The following SMAD7 variants were observed in gnomAD, a reference collection of about 807,000 sequenced individuals.
The protein encoded by SMAD7 is SMAD family member 7.
SMAD7 carries 8 observed loss-of-function variants against 38.7 expected under a neutral mutation model. The observed-to-expected ratio is 0.21, with a 90% CI of 0.12 to 0.37. SMAD7 has a LOEUF of 0.37. Ranked by LOEUF, SMAD7 falls within the 10% of genes least tolerant of loss-of-function variation. The pLI is 1.00. For synonymous variants in SMAD7, 327 were observed against 265.1 expected (o/e 1.23, Z -2.27); for missense variants, 477 against 577.9 (o/e 0.83, Z 1.79).
Position 48,949,867 on chromosome 18 carries a change from G to T in SMAD7, c.558C>A (p.Ile186=), listed in dbSNP as rs368575800. The T allele has an allele frequency of 4.3e-6, 7 of 1,612,804 alleles. No homozygotes were observed. In the African/African-American group the frequency reaches 9.3e-5, roughly 22 times the overall value. ...GGTTGCAGCACACCAGCTCGGGGTT[G>T]ATCTTCCCGTAAGATTCACAGCAAC... ...RLCCCESYGK[I]NPELVCCNPH... is the part of the protein sequence containing the mutation. Residue 186 remains isoleucine (I), a synonymous_variant, in exon 1 of 4, where the codon ATC becomes ATA. Transcript: ENST00000262158.
rs773664418 is a variant in SMAD7 at position 48,948,348 on chromosome 18, A to T, written c.667+36T>A. 18 of 1,476,666 alleles carry T rather than the reference A, an allele frequency of 1.2e-5. No homozygotes were observed. In the African/African-American group the frequency reaches 2.1e-4, roughly 17 times the overall value. 91.5% of individuals were successfully genotyped at this position (1,476,666 alleles called of 1,614,324 possible). A position where few individuals can be genotyped will look rare whatever the true frequency, so the allele number is the denominator to read the frequency against. ...GTTCTAGAGGCTCTATTTCTAACTT[A>T]AGATAAGCAGGATATTTTAAAAATC... On this transcript the variant is annotated intron_variant, in intron 2 of 3. Coordinates refer to ENST00000262158, the MANE Select transcript of SMAD7 (RefSeq NM_005904.4).
At chr18:48,935,162 C>A (rs1386080026) in intron 3 of SMAD7, among the ~76,000 whole-genome samples, 1 of 152,112 alleles carries the variant, frequency 6.6e-6, no homozygotes, top group East Asian at 1.9e-4. Context: ...CAGAGAGAAA[C>A]AGAGAGGCTG....
chr18:48,921,534 C>T lies in SMAD7; in HGVS notation c.1119G>A (p.Lys373=). The change falls in exon 4 of 4, where the codon AAG becomes AAA. Residue 373 remains lysine (K), a synonymous_variant. Coordinates refer to ENST00000262158, the MANE Select transcript of SMAD7 (RefSeq NM_005904.4). This position sits in a 1 kb window ranked among gnomAD's most constrained non-coding sequence, Gnocchi z 6.4. The part of the protein sequence containing the change: ...GFSIKAFDYE[K]AYSLQRPNDH... ...CATTGGGCCGCTGCAGGCTGTACGC[C>T]TTCTCGTAGTCGAAAGCCTTGATGG... 1.2e-6 allele frequency: 2 copies of T among 1,614,250 alleles called. No homozygotes were observed. The highest frequency in any genetic ancestry group is 1.7e-6 in the Non-Finnish European group (2 of 1,180,048).
intron 3 of SMAD7, among the ~76,000 whole-genome samples, chr18:48,925,141 G>A (rs963419136): frequency 6.6e-6 from 1 of 152,214 alleles, no homozygotes; most frequent in African/African-American, 2.4e-5. Context: ...TTGGCCTCTC[G>A]CTGATAGTTA....
chr18:48,921,827 G>C lies in SMAD7; in HGVS notation c.826C>G (p.Leu276Val), dbSNP rs1568296864. The C allele has an allele frequency of 6.2e-7, 1 of 1,613,934 alleles. No homozygotes were observed. The highest frequency in any genetic ancestry group is 8.5e-7 in the Non-Finnish European group (1 of 1,179,926). ...YWEEKTRVGR[L>V]YCVQEPSLDI... ...AGAGAGGGCTCCTGGACACAGTAGA[G>C]CCTCCCCACTCTCGTCTTCTCCTCC... The change falls in exon 4 of 4, where the codon CTC (leucine) becomes GTC (valine). Residue 276 changes from leucine (L) to valine (V), a missense_variant. This residue lies in a region of SMAD7 where 376 missense variants were observed against 379.4 expected (regional missense o/e 0.99). Coordinates refer to ENST00000262158, the MANE Select transcript of SMAD7 (RefSeq NM_005904.4). This position sits in a 1 kb window ranked among gnomAD's most constrained non-coding sequence, Gnocchi z 6.4.
At chr18:48,929,845 T>C (rs1034855528) in intron 3 of SMAD7, among the ~76,000 whole-genome samples, 1 of 151,308 alleles carries the variant, frequency 6.6e-6, no homozygotes, top group African/African-American at 2.4e-5. Flanking sequence ...TCCCACCCTA[T>C]CCCCCACAGA....
At chr18:48,931,737 C>T (rs2070003148) in intron 3 of SMAD7, among the ~76,000 whole-genome samples, 1 of 152,236 alleles carries the variant, frequency 6.6e-6, no homozygotes, top group South Asian at 2.1e-4. Context: ...AAACTGAGGC[C>T]CAGAACACAG....
chr18:48,923,973 T>C (rs1200024455), intron 3 of SMAD7, among the ~76,000 whole-genome samples: 2 of 152,192 alleles, frequency 1.3e-5, no homozygotes, highest in Non-Finnish European at 2.9e-5. Flanking sequence ...CTTTGAACTT[T>C]CTTGCTGAGG....
chr18:48,923,202 T>G (rs1163536125), intron 3 of SMAD7, among the ~76,000 whole-genome samples: 1 of 152,226 alleles, frequency 6.6e-6, no homozygotes, highest in African/African-American at 2.4e-5. Flanking sequence ...CCTCGCTCCC[T>G]GCAGCCCCAG....
At chr18:48,932,494 A>C (rs188757582) in intron 3 of SMAD7, among the ~76,000 whole-genome samples, 11 of 152,318 alleles carry the variant, frequency 7.2e-5, no homozygotes, top group African/African-American at 2.4e-4. Context: ...AATTGAGACC[A>C]GATCTTCCCT....
In SMAD7 at chr18:48,950,163, C is replaced by A. The variant is rs908222302; in HGVS notation, c.262G>T (p.Ala88Ser). The change falls in exon 1 of 4, where the codon GCC becomes TCC. Residue 88 changes from alanine (A) to serine (S), a missense_variant. Ala to Ser is a moderately conservative substitution (Grantham distance 99, BLOSUM62 1). This residue lies in a region of SMAD7 where 376 missense variants were observed against 379.4 expected (regional missense o/e 0.99). Coordinates refer to ENST00000262158, the MANE Select transcript of SMAD7 (RefSeq NM_005904.4). ...PAAGAGAAGG[A>S]EADLKALTHS... ...GTGAGCGCCTTCAGATCCGCCTCGG[C>A]GCCCCCGGCCGCGCCGGCGCCCGCG... The A allele has an allele frequency of 1.3e-6, 2 of 1,486,772 alleles. No homozygotes were observed. Among genetic ancestry groups the A allele is most frequent in the Non-Finnish European group, 8.9e-7 (1 of 1,124,418 alleles). 92.1% of individuals were successfully genotyped at this position (1,486,772 alleles called of 1,614,324 possible).
At chr18:48,926,439 C>A (rs1290108929) in intron 3 of SMAD7, among the ~76,000 whole-genome samples, 1 of 152,254 alleles carries the variant, frequency 6.6e-6, no homozygotes. Context: ...CGGGTCTCCA[C>A]CGGCTCTCAT....
intron 1 of SMAD7, 110 bp from the exon 2 acceptor site, chr18:48,948,547 G>A: frequency 1.3e-6 from 1 of 744,876 alleles, no homozygotes; most frequent in Non-Finnish European, 2.2e-6. Context: ...TAGCTGTGGG[G>A]GTTGGAGGCA....
Position 48,949,808 on chromosome 18 carries a change from T to C in SMAD7, c.613+4A>G. 6.2e-7 allele frequency: 1 copy of C among 1,602,854 alleles called. No homozygotes were observed. The highest frequency in any genetic ancestry group is 2.3e-5 in the East Asian group (1 of 44,258). On this transcript the variant is annotated splice_donor_region_variant and intron_variant, in intron 1 of 3. Coordinates refer to ENST00000262158, the MANE Select transcript of SMAD7 (RefSeq NM_005904.4). ...ATGTTGGGGGTAGGGGGACAACTTCTCACCTAGTTCGCAGAGTCGGCTAAG... is the reference window on the plus strand; with the variant it reads ...ATGTTGGGGGTAGGGGGACAACTTCCCACCTAGTTCGCAGAGTCGGCTAAG...
At position 48,920,582 on chromosome 18, in the gene SMAD7, G is replaced by C. The variant is rs975349269; in HGVS notation, c.*790C>G. ...GGGCACTGGGTGAGCAATACTGTGA[G>C]GGGGCTGCCCCGGCAGCCCTTGGGA... is the stretch of plus-strand genomic sequence containing the variant. On this transcript the variant is annotated 3_prime_UTR_variant, in exon 4 of 4. Transcript: ENST00000262158. 4.6e-5 allele frequency: 7 copies of C among 152,420 alleles called. No homozygotes were observed. Among genetic ancestry groups the C allele is most frequent in the African/African-American group, 1.7e-4 (7 of 41,454 alleles). 9.4% of individuals were successfully genotyped at this position (152,420 alleles called of 1,614,324 possible). A position where few individuals can be genotyped will look rare whatever the true frequency, so the allele number is the denominator to read the frequency against.
At chr18:48,924,637 G>GA (rs1198609250) in intron 3 of SMAD7, among the ~76,000 whole-genome samples, 2 of 152,164 alleles carry the variant, frequency 1.3e-5, no homozygotes, top group African/African-American at 4.8e-5. Context: ...TGCTGTGTGT[G>GA]AACAAGGGCC....
chr18:48,935,788 A>C (rs1412232342), intron 3 of SMAD7, among the ~76,000 whole-genome samples: 2 of 152,192 alleles, frequency 1.3e-5, no homozygotes, highest in African/African-American at 4.8e-5. Flanking sequence ...CAGGTAACAC[A>C]CAGCAGAAGG....
At chr18:48,941,637 T>C (rs936232041) in intron 3 of SMAD7, among the ~76,000 whole-genome samples, 21 of 152,326 alleles carry the variant, frequency 1.4e-4, no homozygotes, top group South Asian at 6.2e-4. Flanking sequence ...GTTTTCCCTC[T>C]TGCTTCAGCC....
At chr18:48,932,100 G>A (rs896574956) in intron 3 of SMAD7, among the ~76,000 whole-genome samples, 8 of 152,116 alleles carry the variant, frequency 5.3e-5, no homozygotes, top group Non-Finnish European at 1.2e-4. Context: ...TTCCCTCTTG[G>A]TTACTGATTC....
Sources: allele counts gnomAD v4.1 joint callset (sites outside exome capture counted in the v4.1 genomes callset), GRCh38; gene constraint gnomAD v4.1.1; regional missense constraint gnomAD v4.1.1; non-coding constraint Gnocchi (gnomAD v3.1); transcripts MANE v1.5; gene names NCBI Gene and HGNC (gene_info 2026-07-23, HGNC 2026-07-21).